The following ZNF277 variants were observed in gnomAD, a reference collection of about 807,000 sequenced individuals.
The protein encoded by ZNF277 is zinc finger protein 277.
Under a neutral mutation model 60.7 loss-of-function variants are expected in ZNF277, and 55 were observed. That is an observed-to-expected ratio of 0.91 (90% CI 0.73 to 1.13). ZNF277 has a LOEUF of 1.13. Among genes scored for constraint, ZNF277 ranks in the 50% most tolerant of loss-of-function variants. The pLI is 0.00. For synonymous variants in ZNF277, 178 were observed against 179.3 expected (o/e 0.99, Z 0.06); for missense variants, 510 against 523.0 (o/e 0.98, Z 0.24).
intron 1 of ZNF277, among the ~76,000 whole-genome samples, chr7:112,282,592 C>G (rs1038200243): frequency 6.6e-6 from 1 of 152,244 alleles, no homozygotes; most frequent in African/African-American, 2.4e-5. Flanking sequence ...TATCCCTCTC[C>G]TCTCCTCTAT....
At chr7:112,210,383 G>T (rs1359860396) in intron 1 of ZNF277, among the ~76,000 whole-genome samples, 1 of 152,098 alleles carries the variant, frequency 6.6e-6, no homozygotes, top group Non-Finnish European at 1.5e-5. Flanking sequence ...TGTGTTGCCA[G>T]ACTTCTGTGG....
intron 4 of ZNF277, among the ~76,000 whole-genome samples, chr7:112,310,491 G>T (rs1351165043): frequency 6.7e-6 from 1 of 148,816 alleles, no homozygotes; most frequent in South Asian, 2.1e-4. Flanking sequence ...GTGTGTGTGT[G>T]TATGTATTTT....
chr7:112,221,117 C>T (rs1822018096), intron 1 of ZNF277, among the ~76,000 whole-genome samples: 1 of 152,192 alleles, frequency 6.6e-6, no homozygotes, highest in Non-Finnish European at 1.5e-5. Context: ...TGCTGGGCTC[C>T]TGATCCAGCG....
At chr7:112,327,051 A>G (rs573891087) in intron 5 of ZNF277, among the ~76,000 whole-genome samples, 17 of 152,294 alleles carry the variant, frequency 1.1e-4, no homozygotes, top group African/African-American at 2.6e-4. Flanking sequence ...TCATTGTCCA[A>G]TGATACTCTG....
intron 1 of ZNF277, among the ~76,000 whole-genome samples, chr7:112,212,819 G>A (rs1349250976): frequency 6.6e-6 from 1 of 151,988 alleles, no homozygotes; most frequent in Non-Finnish European, 1.5e-5. Flanking sequence ...ATTATCTTCT[G>A]TATCCTCTCT....
intron 5 of ZNF277, among the ~76,000 whole-genome samples, chr7:112,322,100 T>C (rs1298921494): frequency 6.6e-6 from 1 of 152,166 alleles, no homozygotes; most frequent in Non-Finnish European, 1.5e-5. Flanking sequence ...CCAGGATTTG[T>C]GTTCCTGTTT....
chr7:112,283,448 GGGAGGC>G (rs1791993119), intron 1 of ZNF277, among the ~76,000 whole-genome samples: 1 of 152,260 alleles, frequency 6.6e-6, no homozygotes, highest in South Asian at 2.1e-4. Flanking sequence ...GCTTGAACCT[GGGAGGC>G]GGAGGTTGCA....
chr7:112,226,543 GAAC>G (rs764589475), intron 1 of ZNF277, among the ~76,000 whole-genome samples: 8 of 152,064 alleles, frequency 5.3e-5, no homozygotes, highest in Non-Finnish European at 8.8e-5. Context: ...TTTGAATATT[GAAC>G]AACAACAAAA....
intron 1 of ZNF277, among the ~76,000 whole-genome samples, chr7:112,279,695 G>C (rs1181079417): frequency 6.6e-6 from 1 of 152,078 alleles, no homozygotes; most frequent in Non-Finnish European, 1.5e-5. Context: ...CTGTTGACCA[G>C]AACATAACAG....
At chr7:112,294,169 T>C (rs988955165) in intron 2 of ZNF277, among the ~76,000 whole-genome samples, 2 of 152,200 alleles carry the variant, frequency 1.3e-5, no homozygotes, top group African/African-American at 2.4e-5. Flanking sequence ...TCCTCTTGTC[T>C]TCTCTTTCCC....
chr7:112,285,413 G>C (rs1036304528), intron 1 of ZNF277, among the ~76,000 whole-genome samples: 2 of 140,402 alleles, frequency 1.4e-5, no homozygotes, highest in Non-Finnish European at 3.1e-5. Flanking sequence ...AGAAGATAAA[G>C]TAAGAAAAAA....
At chr7:112,306,009 T>C (rs1792580667) in intron 4 of ZNF277, among the ~76,000 whole-genome samples, 1 of 152,144 alleles carries the variant, frequency 6.6e-6, no homozygotes, top group Non-Finnish European at 1.5e-5. Flanking sequence ...TACCTTTGTA[T>C]CAACAGGACA....
At chr7:112,270,926 A>C (rs1205549337) in intron 1 of ZNF277, among the ~76,000 whole-genome samples, 1 of 147,306 alleles carries the variant, frequency 6.8e-6, no homozygotes, top group Non-Finnish European at 1.5e-5. Context: ...ATAAAATAAA[A>C]TACAAAACAT....
intron 2 of ZNF277, chr7:112,288,096 T>C (rs1343342494): frequency 1.3e-5 from 2 of 152,218 alleles, no homozygotes; most frequent in African/African-American, 2.4e-5. Flanking sequence ...CAAAAGGCAG[T>C]GTTTGGGAAT....
chr7:112,255,600 CAGTT>C (rs1391094545), intron 1 of ZNF277, among the ~76,000 whole-genome samples: 1 of 152,182 alleles, frequency 6.6e-6, no homozygotes, highest in South Asian at 2.1e-4. Context: ...ATCCAGATGT[CAGTT>C]AGTCCAAGGA....
chr7:112,235,007 C>A (rs969027068), intron 1 of ZNF277, among the ~76,000 whole-genome samples: 2 of 151,796 alleles, frequency 1.3e-5, no homozygotes, highest in African/African-American at 4.8e-5. Flanking sequence ...TATTGTTTGA[C>A]ATTGTTATTA....
chr7:112,232,461 A>C (rs1454446759), intron 1 of ZNF277, among the ~76,000 whole-genome samples: 1 of 152,174 alleles, frequency 6.6e-6, no homozygotes, highest in Non-Finnish European at 1.5e-5. Context: ...ATTACAAATG[A>C]AGTACTAAGA....
chr7:112,219,017 T>C (rs1030247942), intron 1 of ZNF277, among the ~76,000 whole-genome samples: 6 of 152,228 alleles, frequency 3.9e-5, no homozygotes, highest in African/African-American at 1.4e-4. Flanking sequence ...GGTAATTCTA[T>C]GTTTAATTTT....
intron 1 of ZNF277, among the ~76,000 whole-genome samples, chr7:112,274,811 C>T (rs1380997804): frequency 6.6e-6 from 1 of 152,202 alleles, no homozygotes; most frequent in Non-Finnish European, 1.5e-5. Context: ...TGTTAATGTA[C>T]TGTGAAATTT....
Sources: allele counts gnomAD v4.1 joint callset (sites outside exome capture counted in the v4.1 genomes callset), GRCh38; gene constraint gnomAD v4.1.1; transcripts MANE v1.5; gene names NCBI Gene and HGNC (gene_info 2026-07-23, HGNC 2026-07-21).